Variants in FRMPD4 observed in about 807,000 individuals in gnomAD.
The protein encoded by FRMPD4 is FERM and PDZ domain-containing protein 4.
FRMPD4 carries 22 observed loss-of-function variants against 94.1 expected under a neutral mutation model. The ratio of observed to expected loss-of-function variants is 0.23; its 90% CI spans 0.17 to 0.33. The LOEUF (loss-of-function observed/expected upper bound fraction) is 0.33, where lower values mean the gene tolerates loss of function less well. Among genes scored for constraint, FRMPD4 ranks in the 10% least tolerant of loss-of-function variants. The pLI is 1.00. For missense variants in FRMPD4, 1,111 were observed against 1,339.9 expected (o/e 0.83, Z 2.67); for synonymous variants, 631 against 548.6 (o/e 1.15, Z -2.10).
intron 1 of FRMPD4, chrX:12,396,077 C>T (rs1161304464): frequency 1.7e-5 from 2 of 118,511 alleles, no homozygotes; most frequent in Non-Finnish European, 3.5e-5. Flanking sequence ...CGGGCAATTT[C>T]ACAGATGTTC....
intron 2 of FRMPD4, among the ~76,000 whole-genome samples, chrX:12,521,294 ATCC>A (rs1305679464): frequency 9.0e-6 from 1 of 111,152 alleles, no homozygotes; most frequent in Non-Finnish European, 1.9e-5. Flanking sequence ...GTTGCCTTCA[ATCC>A]TCCTGCAATA....
intron 1 of FRMPD4, among the ~76,000 whole-genome samples, chrX:12,269,985 C>T (rs1458929312): frequency 8.9e-6 from 1 of 111,894 alleles, no homozygotes; most frequent in Non-Finnish European, 1.9e-5. Context: ...CCCTAAAAAT[C>T]ATATACTTGA....
chrX:12,360,677 A>G (rs1345180090), intron 1 of FRMPD4, among the ~76,000 whole-genome samples: 2 of 111,523 alleles, frequency 1.8e-5, no homozygotes, highest in Non-Finnish European at 3.8e-5. Context: ...GCTCTGGGTA[A>G]TTCCTGACAT....
intron 3 of FRMPD4, among the ~76,000 whole-genome samples, chrX:12,058,240 GAGTTA>G (rs1314732055): frequency 9.0e-6 from 1 of 111,534 alleles, no homozygotes; most frequent in African/African-American, 3.3e-5. Context: ...CCTGAAATAT[GAGTTA>G]AGTTAACAAA....
intron 2 of FRMPD4, among the ~76,000 whole-genome samples, chrX:12,607,553 T>C (rs1211925091): frequency 8.9e-6 from 1 of 112,164 alleles, no homozygotes; most frequent in Non-Finnish European, 1.9e-5. Flanking sequence ...TTATCTAATG[T>C]GCCCCACACT....
chrX:12,522,059 A>G (rs1483122235), intron 2 of FRMPD4, among the ~76,000 whole-genome samples: 1 of 110,226 alleles, frequency 9.1e-6, no homozygotes, highest in Non-Finnish European at 1.9e-5. Context: ...TTTAGTTCAA[A>G]TACCTTTAGC....
chrX:12,104,182 C>T (rs995034854), intron 3 of FRMPD4, among the ~76,000 whole-genome samples: 14 of 112,664 alleles, frequency 1.2e-4, no homozygotes, highest in South Asian at 3.7e-4. Context: ...GCAGAGCCCT[C>T]GTGACCTAAT....
chrX:12,572,830 T>G (rs915001080), intron 2 of FRMPD4, among the ~76,000 whole-genome samples: 2 of 112,078 alleles, frequency 1.8e-5, no homozygotes, highest in Non-Finnish European at 3.8e-5. Context: ...CAGAAAGGAA[T>G]AGTGGCTTGG....
chrX:12,001,256 A>G (rs1465355369), intron 3 of FRMPD4, among the ~76,000 whole-genome samples: 2 of 112,147 alleles, frequency 1.8e-5, no homozygotes, highest in African/African-American at 3.2e-5. Context: ...GCTAGCCGCT[A>G]TAACAAAGAC....
intron 1 of FRMPD4, among the ~76,000 whole-genome samples, chrX:12,414,311 T>G (rs1221766849): frequency 1.8e-5 from 2 of 112,397 alleles, no homozygotes; most frequent in Non-Finnish European, 3.8e-5. Context: ...TCTGGCAGAT[T>G]ACAGTTCAAA....
intron 9 of FRMPD4, among the ~76,000 whole-genome samples, chrX:12,701,175 C>T (rs1446554377): frequency 1.9e-5 from 2 of 102,691 alleles, no homozygotes; most frequent in Non-Finnish European, 1.9e-5. Context: ...TGGACTCAAG[C>T]GATCCTCCTG....
intron 3 of FRMPD4, among the ~76,000 whole-genome samples, chrX:11,942,550 T>C (rs2054166592): frequency 8.9e-6 from 1 of 111,735 alleles, no homozygotes; most frequent in East Asian, 2.8e-4. Context: ...AATGAGAAAG[T>C]GGAAGTTTCC....
chrX:11,835,506 A>G (rs1393213219), intron 1 of FRMPD4, among the ~76,000 whole-genome samples: 3 of 112,138 alleles, frequency 2.7e-5, no homozygotes, highest in Non-Finnish European at 5.6e-5. Context: ...GCATCATAGG[A>G]AGTGGAATGG....
At chrX:12,136,724 A>G (rs370201853), upstream of FRMPD4, among the ~76,000 whole-genome samples, 165 of 110,776 alleles carry the variant, frequency 1.5e-3, no homozygotes, top group African/African-American at 5.1e-3. Context: ...GGACAGAGAA[A>G]AACGGGAGAG....
At chrX:12,677,589 A>G (rs1002276589) in intron 5 of FRMPD4, among the ~76,000 whole-genome samples, 2 of 112,540 alleles carry the variant, frequency 1.8e-5, no homozygotes, top group African/African-American at 6.4e-5. Context: ...AAGAAAGTCC[A>G]TAAGTTCTAC....
At chrX:12,528,036 A>G (rs1033369793) in intron 2 of FRMPD4, among the ~76,000 whole-genome samples, 2 of 112,491 alleles carry the variant, frequency 1.8e-5, no homozygotes, top group Admixed American at 1.9e-4. Flanking sequence ...AGTAAGTACC[A>G]TGAGAAGTAG....
At chrX:12,257,631 T>C (rs1222711126) in intron 1 of FRMPD4, among the ~76,000 whole-genome samples, 1 of 111,876 alleles carries the variant, frequency 8.9e-6, no homozygotes, top group African/African-American at 3.2e-5. Context: ...GGAATATTTT[T>C]TGGTTAAATA....
intron 2 of FRMPD4, among the ~76,000 whole-genome samples, chrX:12,506,897 AG>A (rs746496168): frequency 1.8e-5 from 2 of 112,166 alleles, no homozygotes; most frequent in Non-Finnish European, 3.8e-5. Flanking sequence ...TGAAAGAAAA[AG>A]AACAGTGGGC....
chrX:12,020,367 C>T (rs1294388617), intron 3 of FRMPD4, among the ~76,000 whole-genome samples: 1 of 112,077 alleles, frequency 8.9e-6, no homozygotes, highest in Non-Finnish European at 1.9e-5. Context: ...CACAACCAGT[C>T]ATTGTAGGTG....
Sources: allele counts gnomAD v4.1 joint callset (sites outside exome capture counted in the v4.1 genomes callset), GRCh38; gene constraint gnomAD v4.1.1; transcripts MANE v1.5; gene names NCBI Gene and HGNC (gene_info 2026-07-23, HGNC 2026-07-21).